The following NLK variants were observed in gnomAD, a reference collection of about 807,000 sequenced individuals.
The protein encoded by NLK is serine/threonine-protein kinase NLK.
In NLK, 11 loss-of-function variants were observed where a neutral mutation model predicts 59.0. The ratio of observed to expected loss-of-function variants is 0.19; its 90% CI spans 0.12 to 0.31. The LOEUF (loss-of-function observed/expected upper bound fraction) is 0.31, where lower values mean the gene tolerates loss of function less well. Ranked by LOEUF, NLK falls within the 10% of genes least tolerant of loss-of-function variation. The pLI, the probability that NLK is intolerant of heterozygous loss-of-function variation, is 1.00. For missense variants in NLK, 410 were observed against 661.1 expected, an observed-to-expected ratio of 0.62 and a Z score of 4.16; for synonymous variants, 235 against 235.9, an observed-to-expected ratio of 1.00 and a Z score of 0.03.
At chr17:28,186,716 G>A (rs1372526615) in intron 8 of NLK, among the ~76,000 whole-genome samples, 3 of 152,194 alleles carry the variant, frequency 2.0e-5, no homozygotes, top group Admixed American at 1.3e-4. Context: ...TCACTATCAC[G>A]AGAACAGCAC....
chr17:28,148,024 C>A (rs78693831), intron 3 of NLK, among the ~76,000 whole-genome samples: 7,602 of 152,128 alleles, frequency 0.05, 624 homozygotes, highest in African/African-American at 0.17. Context: ...AAATGAAAAG[C>A]AGATTGTAAC....
At chr17:28,043,619 G>C (rs904240031) in intron 1 of NLK, among the ~76,000 whole-genome samples, 2 of 152,222 alleles carry the variant, frequency 1.3e-5, no homozygotes, top group African/African-American at 4.8e-5. Flanking sequence ...AGGATCAGTA[G>C]ATGAATGTAT....
chr17:28,139,728 T>C (rs1342647265), intron 3 of NLK, among the ~76,000 whole-genome samples: 1 of 152,236 alleles, frequency 6.6e-6, no homozygotes, highest in Non-Finnish European at 1.5e-5. Context: ...GAGAGGTAAA[T>C]AACTTGTCCA....
chr17:28,108,328 GA>G (rs1905290202), intron 1 of NLK, among the ~76,000 whole-genome samples: 1 of 152,012 alleles, frequency 6.6e-6, no homozygotes, highest in South Asian at 2.1e-4. Context: ...AGCCTAAAAG[GA>G]AAAGTAAAGG....
intron 1 of NLK, among the ~76,000 whole-genome samples, chr17:28,113,451 CT>C (rs1905613793): frequency 6.6e-6 from 1 of 152,222 alleles, no homozygotes; most frequent in Admixed American, 6.5e-5. Context: ...ATGATTATTT[CT>C]TGATTATATG....
intron 1 of NLK, among the ~76,000 whole-genome samples, chr17:28,066,041 T>C (rs186248192): frequency 6.6e-6 from 1 of 152,350 alleles, no homozygotes; most frequent in East Asian, 1.9e-4. Flanking sequence ...CGAAGTTATG[T>C]CAACGTAGCT....
chr17:28,057,712 C>A (rs996851209), intron 1 of NLK, among the ~76,000 whole-genome samples: 3 of 152,022 alleles, frequency 2.0e-5, no homozygotes, highest in African/African-American at 7.3e-5. Flanking sequence ...AAGTAAATTA[C>A]CCTAATGCAG....
chr17:28,187,628 G>A (rs1034696587), intron 8 of NLK, among the ~76,000 whole-genome samples: 1 of 152,086 alleles, frequency 6.6e-6, no homozygotes, highest in Non-Finnish European at 1.5e-5. Flanking sequence ...TAATGCTCCC[G>A]ATCTGCCAGG....
chr17:28,147,553 G>T (rs908331758), intron 3 of NLK, among the ~76,000 whole-genome samples: 1 of 152,170 alleles, frequency 6.6e-6, no homozygotes, highest in African/African-American at 2.4e-5. Context: ...TCATTGAGGT[G>T]TAGATGGCTG....
At chr17:28,106,939 A>G (rs1423122184) in intron 1 of NLK, among the ~76,000 whole-genome samples, 1 of 152,226 alleles carries the variant, frequency 6.6e-6, no homozygotes, top group Non-Finnish European at 1.5e-5. Flanking sequence ...CTAAAAAAGA[A>G]CAGAGTAAGA....
chr17:28,199,213 G>A (rs776429456), downstream of NLK, among the ~76,000 whole-genome samples: 1 of 152,198 alleles, frequency 6.6e-6, no homozygotes, highest in East Asian at 1.9e-4. Flanking sequence ...AGAAATACTG[G>A]CGAGGATGTG....
At chr17:28,062,257 C>T (rs1374800402) in intron 1 of NLK, among the ~76,000 whole-genome samples, 1 of 152,094 alleles carries the variant, frequency 6.6e-6, no homozygotes, top group Non-Finnish European at 1.5e-5. Context: ...TTAATTCAGA[C>T]TTTTATTGCC....
intron 8 of NLK, 77 bp downstream of exon 8, chr17:28,185,342 T>C (rs1344770664): frequency 1.1e-6 from 1 of 890,480 alleles, no homozygotes; most frequent in Non-Finnish European, 1.7e-6. Context: ...TGGTTTTGAA[T>C]AGATTGGCAA....
intron 1 of NLK, among the ~76,000 whole-genome samples, chr17:28,080,119 G>T (rs576558107): frequency 6.6e-6 from 1 of 152,108 alleles, no homozygotes; most frequent in Non-Finnish European, 1.5e-5. Context: ...GCAGTATTTT[G>T]TGCATGTTTG....
intron 1 of NLK, among the ~76,000 whole-genome samples, chr17:28,087,296 A>G (rs1443185010): frequency 1.3e-5 from 2 of 152,200 alleles, no homozygotes; most frequent in Non-Finnish European, 2.9e-5. Flanking sequence ...AAATTAGGGA[A>G]AATTTGGGAA....
At chr17:28,090,491 C>G (rs1214446716) in intron 1 of NLK, among the ~76,000 whole-genome samples, 1 of 152,054 alleles carries the variant, frequency 6.6e-6, no homozygotes, top group Non-Finnish European at 1.5e-5. Flanking sequence ...ACTTATAGTG[C>G]AAGTCTGCTG....
rs568434953 is a variant in NLK, at chr17:28,112,044, A to C, written c.459-10559A>C. ...ACATGCAGGAAGCCTCTCAGTCAGC[A>C]AGAGATCTATGGAGAGTTCAGGCTA... On this transcript the variant is annotated intron_variant, in intron 1 of 10. Transcript: ENST00000407008. Among the ~76,000 whole-genome samples, 6 of 151,946 alleles carry C rather than the reference A, an allele frequency of 3.9e-5. No individual in the cohort carries two copies. In the East Asian group the frequency reaches 9.7e-4, roughly 25 times the overall value.
At chr17:28,133,311 A>T (rs1906598493) in intron 3 of NLK, among the ~76,000 whole-genome samples, 1 of 152,196 alleles carries the variant, frequency 6.6e-6, no homozygotes, top group Non-Finnish European at 1.5e-5. Flanking sequence ...AAGAAAATTG[A>T]CCAAGATCAC....
chr17:28,060,760 AGTT>A (rs1909604769), intron 1 of NLK, among the ~76,000 whole-genome samples: 1 of 152,346 alleles, frequency 6.6e-6, no homozygotes, highest in Admixed American at 6.5e-5. Context: ...TAATAATCCT[AGTT>A]GTTGCAGATG....
Sources: allele counts gnomAD v4.1 joint callset (sites outside exome capture counted in the v4.1 genomes callset), GRCh38; gene constraint gnomAD v4.1.1; transcripts MANE v1.5; gene names NCBI Gene and HGNC (gene_info 2026-07-23, HGNC 2026-07-21).